The following NUP62CL variants were observed in gnomAD, a reference collection of about 807,000 sequenced individuals.
The protein encoded by NUP62CL is nucleoporin 62 C-terminal like.
A neutral mutation model predicts 15.3 loss-of-function variants in NUP62CL; 13 were observed. The observed-to-expected ratio is 0.85, with a 90% CI of 0.55 to 1.35. The LOEUF (loss-of-function observed/expected upper bound fraction) is 1.35. Ranked by LOEUF, NUP62CL falls within the 40% of genes most tolerant of loss-of-function variation. The probability of loss-of-function intolerance (pLI) is 0.00; values close to 1 mark genes in which losing one functional copy is unlikely to be tolerated. For missense variants in NUP62CL, 123 were observed against 130.6 expected, an observed-to-expected ratio of 0.94 and a Z score of 0.28; for synonymous variants, 54 against 49.2, an observed-to-expected ratio of 1.10 and a Z score of -0.41.
intron 2 of NUP62CL, among the ~76,000 whole-genome samples, chrX:107,188,811 T>C (rs1421948655): frequency 8.9e-6 from 1 of 111,817 alleles, no homozygotes; most frequent in East Asian, 2.8e-4. Context: ...TATTTCTATA[T>C]ACTAGTGATG....
intron 8 of NUP62CL, among the ~76,000 whole-genome samples, chrX:107,129,817 A>G (rs1425197133): frequency 8.9e-6 from 1 of 112,020 alleles, no homozygotes; most frequent in Non-Finnish European, 1.9e-5. Context: ...TAAAAGAAAT[A>G]CTCCAGAAAG....
chrX:107,160,340 A>C (rs1926328889), intron 4 of NUP62CL, among the ~76,000 whole-genome samples: 1 of 107,388 alleles, frequency 9.3e-6, no homozygotes, highest in Non-Finnish European at 1.9e-5. Flanking sequence ...CCTAAGCCAA[A>C]AGAAAAAGCT....
At chrX:107,147,860 T>A (rs1925917341) in intron 7 of NUP62CL, 51 bp from the exon 8 acceptor site, 1 of 971,846 alleles carries the variant, frequency 1.0e-6, no homozygotes, top group African/African-American at 1.9e-5. Flanking sequence ...AGGTGGTAAA[T>A]AAAAAATAAA....
chrX:107,167,907 G>T, intron 3 of NUP62CL, 123 bp from the exon 4 acceptor site: 1 of 599,868 alleles, frequency 1.7e-6, no homozygotes, highest in African/African-American at 2.3e-5. Context: ...CAAAGATGCA[G>T]ATTTGAATTC....
chrX:107,168,860 C>T (rs963318992), intron 3 of NUP62CL, among the ~76,000 whole-genome samples: 2 of 112,334 alleles, frequency 1.8e-5, no homozygotes, highest in Non-Finnish European at 3.8e-5. Flanking sequence ...CTGCTGCAAG[C>T]ACTGACTACT....
chrX:107,130,691 A>T (rs1925494484), intron 8 of NUP62CL, among the ~76,000 whole-genome samples: 1 of 111,660 alleles, frequency 9.0e-6, no homozygotes, highest in African/African-American at 3.3e-5. Context: ...GGCAGAGATG[A>T]ATCAAAGAGG....
intron 2 of NUP62CL, among the ~76,000 whole-genome samples, chrX:107,189,943 A>AAGAG (rs1443140948): frequency 1.4e-4 from 13 of 95,508 alleles, no homozygotes; most frequent in Non-Finnish European, 2.8e-4. Flanking sequence ...GAAAGAAAGA[A>AAGAG]AGAGAATCGA....
At chrX:107,176,249 G>A (rs1216768590) in intron 2 of NUP62CL, among the ~76,000 whole-genome samples, 2 of 111,489 alleles carry the variant, frequency 1.8e-5, no homozygotes, top group African/African-American at 6.5e-5. Context: ...GGAGCTTTAT[G>A]AGAATAACAA....
At chrX:107,155,233 G>A (rs1177024175) in intron 4 of NUP62CL, among the ~76,000 whole-genome samples, 1 of 112,210 alleles carries the variant, frequency 8.9e-6, no homozygotes, top group African/African-American at 3.2e-5. Flanking sequence ...TGTGTCAGCT[G>A]GGCCCAGTAG....
intron 1 of NUP62CL, among the ~76,000 whole-genome samples, chrX:107,200,618 C>G (rs1409591601): frequency 2.9e-5 from 2 of 68,260 alleles, no homozygotes; most frequent in Non-Finnish European, 5.7e-5. Flanking sequence ...GATTCCGTCT[C>G]AAAAAAAAAA....
At chrX:107,177,454 A>G (rs1926812924) in intron 2 of NUP62CL, among the ~76,000 whole-genome samples, 1 of 111,712 alleles carries the variant, frequency 9.0e-6, no homozygotes, top group African/African-American at 3.3e-5. Context: ...GATGGGATTA[A>G]GGTTAAAAAC....
chrX:107,131,889 AG>A, intron 8 of NUP62CL: 1 of 1,006,781 alleles, frequency 9.9e-7, no homozygotes, highest in Non-Finnish European at 1.4e-6. Flanking sequence ...CTGATACAGA[AG>A]GCAATAATAA....
At chrX:107,163,379 T>C (rs977506253) in intron 4 of NUP62CL, among the ~76,000 whole-genome samples, 1 of 110,714 alleles carries the variant, frequency 9.0e-6, no homozygotes, top group South Asian at 3.8e-4. Flanking sequence ...TTAAAAACAC[T>C]ATAAACAGAA....
intron 1 of NUP62CL, among the ~76,000 whole-genome samples, chrX:107,195,851 A>ATGTTGT (rs1221441669): frequency 7.2e-5 from 8 of 111,494 alleles, no homozygotes; most frequent in Non-Finnish European, 1.3e-4. Flanking sequence ...GTTATAAATT[A>ATGTTGT]TAATATTATT....
chrX:107,152,061 T>TATATATATATATATATATATATTCAG (rs1569356997), intron 7 of NUP62CL, among the ~76,000 whole-genome samples: 2 of 69,246 alleles, frequency 2.9e-5, no homozygotes, highest in African/African-American at 1.4e-4. Context: ...TATATATATA[T>TATATATATATATATATATATATTCAG]ATATATATAT....
intron 1 of NUP62CL, among the ~76,000 whole-genome samples, chrX:107,205,204 G>A (rs1399188589): frequency 9.0e-6 from 1 of 111,248 alleles, no homozygotes; most frequent in East Asian, 2.8e-4. Flanking sequence ...GAAAAACACC[G>A]GCTGAGCATT....
At chrX:107,146,041 A>G (rs1025533618) in intron 8 of NUP62CL, among the ~76,000 whole-genome samples, 1 of 111,951 alleles carries the variant, frequency 8.9e-6, no homozygotes, top group Non-Finnish European at 1.9e-5. Flanking sequence ...TGATAAGACT[A>G]CTACATAAAT....
Position 107,154,222 on chromosome X carries a change from T to A in NUP62CL, c.219A>T (p.Thr73=). Residue 73 remains threonine (T), a synonymous_variant, in exon 5 of 9, where the codon ACA becomes ACT. Coordinates refer to ENST00000372466, the MANE Select transcript of NUP62CL (RefSeq NM_017681.3). ...TTATAAGACCCTCCAGATGACCATA[T>A]GTCATCACAGGAGTTGCTACTACAC... ...TVSVVATPVM[T]YGHLEGLINE... The A allele has an allele frequency of 8.3e-7, 1 of 1,201,474 alleles. No individual in the cohort carries two copies. The highest frequency in any genetic ancestry group is 1.1e-6 in the Non-Finnish European group (1 of 888,900).
chrX:107,189,905 GA>G (rs1457686392), intron 2 of NUP62CL, among the ~76,000 whole-genome samples: 1 of 100,567 alleles, frequency 9.9e-6, no homozygotes, highest in Admixed American at 1.1e-4. Flanking sequence ...AAGAAAGAAA[GA>G]AAGAAAGAAA....
Sources: gnomAD v4.1 joint callset for allele counts (sites outside exome capture counted in the v4.1 genomes callset) on GRCh38, gnomAD v4.1.1 for gene constraint, MANE v1.5 for transcripts, NCBI Gene and HGNC (gene_info 2026-07-23, HGNC 2026-07-21) for gene names.